RNGTT: variants seen among roughly 807,000 people sequenced by gnomAD.
The protein encoded by RNGTT is RNA guanylyltransferase and 5'-phosphatase.
In RNGTT, 33 loss-of-function variants were observed where a neutral mutation model predicts 79.3. That is an observed-to-expected ratio of 0.42 (90% CI 0.32 to 0.56). RNGTT has a LOEUF of 0.56. Among genes scored for constraint, RNGTT ranks in the 20% least tolerant of loss-of-function variants. The pLI is 0.17. For synonymous variants in RNGTT, 222 were observed against 235.9 expected, an observed-to-expected ratio of 0.94 and a Z score of 0.54; for missense variants, 497 against 739.1, an observed-to-expected ratio of 0.67 and a Z score of 3.80.
At chr6:88,745,863 T>C (rs1777643802) in intron 13 of RNGTT, among the ~76,000 whole-genome samples, 2 of 152,156 alleles carry the variant, frequency 1.3e-5, no homozygotes, top group Admixed American at 6.5e-5. Context: ...GTACCAGTTA[T>C]CAATTTTAAT....
At chr6:88,851,258 CA>C (rs1442317125) in intron 9 of RNGTT, among the ~76,000 whole-genome samples, 1 of 150,666 alleles carries the variant, frequency 6.6e-6, no homozygotes, top group Non-Finnish European at 1.5e-5. Context: ...AACAGAACCC[CA>C]GATACATAAC....
At chr6:88,917,631 C>T (rs1784039339) in intron 4 of RNGTT, among the ~76,000 whole-genome samples, 1 of 152,148 alleles carries the variant, frequency 6.6e-6, no homozygotes, top group African/African-American at 2.4e-5. Flanking sequence ...CTGTAATCCC[C>T]ACCCCAGCAC....
chr6:88,815,458 G>A (rs1389993022), intron 11 of RNGTT, among the ~76,000 whole-genome samples: 1 of 152,174 alleles, frequency 6.6e-6, no homozygotes, highest in East Asian at 1.9e-4. Context: ...GGGAGTCAGT[G>A]GGGACCTCAG....
intron 1 of RNGTT, among the ~76,000 whole-genome samples, chr6:88,950,424 T>C (rs1785204191): frequency 6.6e-6 from 1 of 152,090 alleles, no homozygotes. Flanking sequence ...TTTCATAAGG[T>C]TATAACTGCC....
chr6:88,824,477 T>C (rs2127882446), intron 11 of RNGTT, among the ~76,000 whole-genome samples: 1 of 152,328 alleles, frequency 6.6e-6, no homozygotes, highest in East Asian at 1.9e-4. Flanking sequence ...CAACTATATA[T>C]TAAAACTGTG....
intron 13 of RNGTT, among the ~76,000 whole-genome samples, chr6:88,744,689 G>A (rs1367088382): frequency 6.6e-6 from 1 of 150,530 alleles, no homozygotes; most frequent in African/African-American, 2.4e-5. Flanking sequence ...GCTATGATAT[G>A]AGGTTGATTC....
chr6:88,899,241 C>T (rs1783362913), intron 6 of RNGTT, among the ~76,000 whole-genome samples: 1 of 150,784 alleles, frequency 6.6e-6, no homozygotes, highest in Admixed American at 6.6e-5. Context: ...TAATTGCTTT[C>T]TCCAAAAAGA....
intron 13 of RNGTT, among the ~76,000 whole-genome samples, chr6:88,700,870 T>A (rs1211332539): frequency 6.6e-6 from 1 of 152,182 alleles, no homozygotes; most frequent in Non-Finnish European, 1.5e-5. Context: ...TATACATGCT[T>A]ACTTGATGTT....
At chr6:88,773,324 G>C (rs1242557830) in intron 12 of RNGTT, among the ~76,000 whole-genome samples, 1 of 112,106 alleles carries the variant, frequency 8.9e-6, no homozygotes, top group African/African-American at 3.3e-5. Context: ...CTGTTGTGGG[G>C]TGGGGGGAGG....
At chr6:88,948,807 C>A (rs1785125687) in intron 1 of RNGTT, among the ~76,000 whole-genome samples, 1 of 96,946 alleles carries the variant, frequency 1.0e-5, no homozygotes, top group Admixed American at 1.1e-4. Flanking sequence ...GATCTGTGAC[C>A]TTACCCCCAA....
chr6:88,612,644 T>A lies in RNGTT; in HGVS notation c.*75A>T. On this transcript the variant is annotated 3_prime_UTR_variant, in exon 16 of 16. Coordinates refer to ENST00000369485, the MANE Select transcript of RNGTT (RefSeq NM_003800.5). ...CAAGCCACAGTCGTTTTTCAATTTC[T>A]CTGGCTACAAAAATGGGCAACAGCG... The A allele has an allele frequency of 5.0e-6, 7 of 1,388,930 alleles. No individual in the cohort carries two copies. Among genetic ancestry groups the A allele is most frequent in the Non-Finnish European group, 5.9e-6 (6 of 1,016,724 alleles). The allele number at this position is 1,388,930 out of a possible 1,614,324, so 86.0% of individuals were successfully genotyped here. A position where few individuals can be genotyped will look rare whatever the true frequency, so the allele number is the denominator to read the frequency against.
intron 13 of RNGTT, among the ~76,000 whole-genome samples, chr6:88,696,694 T>C (rs1775685245): frequency 6.6e-6 from 1 of 152,254 alleles, no homozygotes; most frequent in South Asian, 2.1e-4. Context: ...TTTCCTGTGT[T>C]GGGAAATTCT....
At chr6:88,621,024 G>A (rs1455669463) in intron 14 of RNGTT, among the ~76,000 whole-genome samples, 2 of 152,200 alleles carry the variant, frequency 1.3e-5, no homozygotes, top group Non-Finnish European at 2.9e-5. Flanking sequence ...TAAACACTTA[G>A]TTATTTGGAT....
rs1178778703 is a variant in RNGTT, at chr6:88,963,206, G to C, written c.64+140C>G. The C allele has an allele frequency of 5.2e-6, 4 of 774,480 alleles. No individual in the cohort carries two copies. In the African/African-American group the frequency reaches 7.3e-5, roughly 14 times the overall value. 48.0% of individuals were successfully genotyped at this position (774,480 alleles called of 1,614,324 possible). ...CCCGTTCATGTTCCCATTCATCCACGAAGCGTAATCCGACGGAGCATATCC... is the reference window on the plus strand; with the variant it reads ...CCCGTTCATGTTCCCATTCATCCACCAAGCGTAATCCGACGGAGCATATCC... On this transcript the variant is annotated intron_variant, in intron 1 of 15. Coordinates refer to ENST00000369485, the MANE Select transcript of RNGTT (RefSeq NM_003800.5).
At chr6:88,778,272 A>G (rs1270238826) in intron 12 of RNGTT, among the ~76,000 whole-genome samples, 7 of 152,190 alleles carry the variant, frequency 4.6e-5, no homozygotes, top group Admixed American at 1.3e-4. Flanking sequence ...ACTCATGCAG[A>G]TTTGCAGCAT....
intron 13 of RNGTT, among the ~76,000 whole-genome samples, chr6:88,764,383 C>A (rs905150022): frequency 1.3e-5 from 2 of 152,134 alleles, no homozygotes; most frequent in Non-Finnish European, 2.9e-5. Flanking sequence ...CTGAGTTCAA[C>A]CTCAAAGCTC....
In RNGTT at chr6:88,941,060, T is replaced by G; in HGVS notation, c.174+11A>C. On this transcript the variant is annotated intron_variant, in intron 2 of 15. Coordinates refer to ENST00000369485, the MANE Select transcript of RNGTT (RefSeq NM_003800.5). ...ATTAAATCAGTGACAAAAATAAATT[T>G]TGTTTCTTACCTTTAGGCTCTTTAG... The G allele has an allele frequency of 1.3e-6, 2 of 1,534,860 alleles. No individual in the cohort carries two copies. The highest frequency in any genetic ancestry group is 1.8e-6 in the Non-Finnish European group (2 of 1,112,706).
chr6:88,675,901 T>C (rs909206542), intron 14 of RNGTT, among the ~76,000 whole-genome samples: 2 of 152,188 alleles, frequency 1.3e-5, no homozygotes, highest in African/African-American at 2.4e-5. Flanking sequence ...CAACGAAATA[T>C]TGCTGGGAGA....
At chr6:88,788,657 C>G (rs1005509965) in intron 12 of RNGTT, among the ~76,000 whole-genome samples, 2 of 152,124 alleles carry the variant, frequency 1.3e-5, no homozygotes, top group African/African-American at 4.8e-5. Flanking sequence ...GACCTAGTAA[C>G]CTATCCCTCC....
Sources: gnomAD v4.1 joint callset for allele counts (sites outside exome capture counted in the v4.1 genomes callset) on GRCh38, gnomAD v4.1.1 for gene constraint, MANE v1.5 for transcripts, NCBI Gene and HGNC (gene_info 2026-07-23, HGNC 2026-07-21) for gene names.